Variants in CHSY1 observed in about 807,000 individuals in gnomAD.
CHSY1 encodes N-acetylgalactosaminyl-proteoglycan 3-beta-glucuronosyltransferase 1.
CHSY1 carries 13 observed loss-of-function variants against 59.8 expected under a neutral mutation model. That is an observed-to-expected ratio of 0.22 (90% confidence interval 0.14 to 0.35). CHSY1 has a LOEUF of 0.35. Ranked by LOEUF, CHSY1 falls within the 10% of genes least tolerant of loss-of-function variation. CHSY1 has a pLI of 1.00. For synonymous variants in CHSY1, 459 were observed against 401.2 expected, an observed-to-expected ratio of 1.14 and a Z score of -1.72; for missense variants, 947 against 1,030.6, an observed-to-expected ratio of 0.92 and a Z score of 1.11.
intron 2 of CHSY1, among the ~76,000 whole-genome samples, chr15:101,199,977 C>T (rs751419532): frequency 1.3e-5 from 2 of 152,198 alleles, no homozygotes; most frequent in Non-Finnish European, 2.9e-5. Flanking sequence ...TCTGAAGCAT[C>T]GTTCTGAATA....
At position 101,186,312 on chromosome 15, in the gene CHSY1, CCT is replaced by C. The variant is rs533965892; in HGVS notation, c.817-7334_817-7333del. On this transcript the variant is annotated intron_variant, in intron 2 of 2. Transcript: ENST00000254190. ...TCCAGCCTGGGTGACAAAGTGAGAC[CCT>C]GTCTCAAATAAATAAATAAATAAAT... Among the ~76,000 whole-genome samples, 57 of 133,150 alleles carry C rather than the reference CCT, an allele frequency of 4.3e-4. No homozygotes were observed. The East Asian group carries it at 0.011, about 26-fold the overall frequency. The allele number at this position is 133,150 out of a possible 152,430, so 87.4% of individuals were successfully genotyped here. A position where few individuals can be genotyped will look rare whatever the true frequency, so the allele number is the denominator to read the frequency against.
Position 101,176,601 on chromosome 15 carries a change from T to C in CHSY1, c.*787A>G, listed in dbSNP as rs1222742712. The C allele has an allele frequency of 1.3e-5, 5 of 389,240 alleles. No homozygotes were observed. The highest frequency in any genetic ancestry group is 2.3e-5 in the Non-Finnish European group (5 of 220,864). The allele number at this position is 389,240 out of a possible 1,614,324, so 24.1% of individuals were successfully genotyped here. A position where few individuals can be genotyped will look rare whatever the true frequency, so the allele number is the denominator to read the frequency against. Reference sequence around the variant, plus strand: ...TTGCTTTAAAACCTACGTGGCCAGCTGGGCTTGCATGGTGAAACCCCGTCT... The same window carrying C: ...TTGCTTTAAAACCTACGTGGCCAGCCGGGCTTGCATGGTGAAACCCCGTCT... On this transcript the variant is annotated 3_prime_UTR_variant, in exon 3 of 3. Transcript: ENST00000254190.
Position 101,237,737 on chromosome 15 carries a change from G to A in CHSY1, c.321-2160C>T, listed in dbSNP as rs1389625208. Among the ~76,000 whole-genome samples the A allele has an allele frequency of 5.3e-5, 8 of 152,286 alleles. No individual in the cohort carries two copies. The East Asian group carries it at 1.3e-3, about 26-fold the overall frequency. ...GCACTTTCCCTCCTACTTTCTTCAC[G>A]TTCTGTATTCAGATCTAAAGTTGTT... On this transcript the variant is annotated intron_variant, in intron 1 of 2. Transcript: ENST00000254190.
At chr15:101,250,885 G>A (rs2039101376) in intron 1 of CHSY1, among the ~76,000 whole-genome samples, 1 of 152,116 alleles carries the variant, frequency 6.6e-6, no homozygotes, top group Admixed American at 6.5e-5. Context: ...CTTCATCAGG[G>A]TGAGAGGTAC....
intron 2 of CHSY1, among the ~76,000 whole-genome samples, chr15:101,181,529 T>C (rs1438903623): frequency 6.6e-6 from 1 of 152,222 alleles, no homozygotes; most frequent in African/African-American, 2.4e-5. Flanking sequence ...GTTCCTTCTT[T>C]GCCCTGCAGG....
intron 2 of CHSY1, among the ~76,000 whole-genome samples, chr15:101,234,271 A>G (rs1353496876): frequency 6.6e-6 from 1 of 152,252 alleles, no homozygotes; most frequent in Non-Finnish European, 1.5e-5. Context: ...TGAACAGTCA[A>G]GGTACACAAC....
At chr15:101,181,490 T>G (rs2038277948) in intron 2 of CHSY1, among the ~76,000 whole-genome samples, 1 of 152,230 alleles carries the variant, frequency 6.6e-6, no homozygotes, top group South Asian at 2.1e-4. Flanking sequence ...TCTTCTACAG[T>G]GAGGTGAGAA....
chr15:101,220,791 C>T (rs1260515889), intron 2 of CHSY1, among the ~76,000 whole-genome samples: 1 of 152,238 alleles, frequency 6.6e-6, no homozygotes, highest in African/African-American at 2.4e-5. Context: ...TTTTCTCAGT[C>T]ATGGACGTAA....
In CHSY1 at chr15:101,177,565, G is replaced by A. The variant is rs547819894; in HGVS notation, c.2232C>T (p.His744=). ...GATCACAAAAGACAGGATGGTGGAC[G>A]TGGACTACTCCTACTTCCTGGCTCC... ...TFRSQEVGVV[H]VHHPVFCDPN... is the part of the protein sequence containing the mutation. The change falls in exon 3 of 3, where the codon CAC becomes CAT. Residue 744 remains histidine (H), a synonymous_variant. Coordinates refer to ENST00000254190, the MANE Select transcript of CHSY1 (RefSeq NM_014918.5). 40 of 1,614,118 alleles carry A rather than the reference G, an allele frequency of 2.5e-5. 2 individuals carry two copies. In the South Asian group the frequency reaches 3.8e-4, roughly 16 times the overall value.
intron 2 of CHSY1, among the ~76,000 whole-genome samples, chr15:101,208,850 T>C (rs146860651): frequency 9.4e-4 from 143 of 152,256 alleles, no homozygotes; most frequent in Non-Finnish European, 1.8e-3. Context: ...TACAAGAGTG[T>C]ATACTCATAC....
intron 2 of CHSY1, among the ~76,000 whole-genome samples, chr15:101,209,753 AACAG>A (rs1232002850): frequency 6.6e-6 from 1 of 152,250 alleles, no homozygotes; most frequent in East Asian, 1.9e-4. Flanking sequence ...AAACTGTTCC[AACAG>A]ACAGGTATTT....
At chr15:101,226,127 A>C (rs1362071791) in intron 2 of CHSY1, among the ~76,000 whole-genome samples, 1 of 152,240 alleles carries the variant, frequency 6.6e-6, no homozygotes, top group Non-Finnish European at 1.5e-5. Flanking sequence ...TTGTAAAAAC[A>C]AAAACATGAG....
At chr15:101,219,491 T>C (rs1244412202) in intron 2 of CHSY1, among the ~76,000 whole-genome samples, 4 of 152,080 alleles carry the variant, frequency 2.6e-5, no homozygotes, top group African/African-American at 9.7e-5. Context: ...AATAAACAAA[T>C]CATACATTTT....
chr15:101,178,867 G>A lies in CHSY1; in HGVS notation c.930C>T (p.Pro310=), dbSNP rs1383923401. 1 of 1,614,158 alleles carries A rather than the reference G, an allele frequency of 6.2e-7. No homozygotes were observed. The highest frequency in any genetic ancestry group is 8.5e-7 in the Non-Finnish European group (1 of 1,180,020). The change falls in exon 3 of 3, where the codon CCC becomes CCT. Residue 310 remains proline (P), a synonymous_variant. Transcript: ENST00000254190. ...AITLHPNKNP[P]YQYRLHSYML... is the part of the protein sequence containing the mutation. ...TGTAGCTGTGGAGCCTGTACTGGTA[G>A]GGTGGGTTTTTGTTGGGGTGTAATG...
At chr15:101,247,533 C>A (rs2039064053) in intron 1 of CHSY1, among the ~76,000 whole-genome samples, 1 of 152,162 alleles carries the variant, frequency 6.6e-6, no homozygotes, top group African/African-American at 2.4e-5. Context: ...GGGTCGGGGG[C>A]CAGAGGGGCC....
At chr15:101,210,186 C>T (rs937072404) in intron 2 of CHSY1, among the ~76,000 whole-genome samples, 1 of 152,130 alleles carries the variant, frequency 6.6e-6, no homozygotes, top group Non-Finnish European at 1.5e-5. Context: ...TTAGCCAGTA[C>T]CTTTTATTGT....
chr15:101,219,326 A>G (rs1179847728), intron 2 of CHSY1, among the ~76,000 whole-genome samples: 1 of 152,226 alleles, frequency 6.6e-6, no homozygotes, highest in Non-Finnish European at 1.5e-5. Flanking sequence ...TCACCAAGTG[A>G]TCAACAGCAT....
intron 2 of CHSY1, among the ~76,000 whole-genome samples, chr15:101,206,883 A>T (rs1413753104): frequency 1.3e-5 from 2 of 152,240 alleles, no homozygotes; most frequent in Non-Finnish European, 2.9e-5. Flanking sequence ...ATGATACTCT[A>T]GGACACCCAT....
At chr15:101,226,373 A>G (rs774697524) in intron 2 of CHSY1, among the ~76,000 whole-genome samples, 14 of 152,192 alleles carry the variant, frequency 9.2e-5, no homozygotes, top group Non-Finnish European at 1.5e-5. Flanking sequence ...CCTATAACGT[A>G]GACAATTTTT....
Sources: gnomAD v4.1 joint callset for allele counts (sites outside exome capture counted in the v4.1 genomes callset) on GRCh38, gnomAD v4.1.1 for gene constraint, MANE v1.5 for transcripts, NCBI Gene and HGNC (gene_info 2026-07-23, HGNC 2026-07-21) for gene names.